The following PALM2AKAP2 variants were observed in gnomAD, a reference collection of about 807,000 sequenced individuals.
PALM2AKAP2 encodes the protein PALM2-AKAP2 fusion protein.
In PALM2AKAP2, 37 loss-of-function variants were observed where a neutral mutation model predicts 71.5. That is an observed-to-expected ratio of 0.52 (90% CI 0.40 to 0.68). PALM2AKAP2 has a LOEUF of 0.68. PALM2AKAP2 is among the 30% of genes least tolerant of loss of function. The pLI, the probability that PALM2AKAP2 is intolerant of heterozygous loss-of-function variation, is 0.00. For synonymous variants in PALM2AKAP2, 468 were observed against 478.8 expected (o/e 0.98, Z 0.29); for missense variants, 1,224 against 1,191.8 (o/e 1.03, Z -0.40).
chr9:109,685,251 A>G (rs942958416), intron 1 of PALM2AKAP2, among the ~76,000 whole-genome samples: 3 of 152,136 alleles, frequency 2.0e-5, no homozygotes, highest in African/African-American at 7.2e-5. Flanking sequence ...ATGTTTATAC[A>G]CATACCGTGT....
intron 6 of PALM2AKAP2, among the ~76,000 whole-genome samples, chr9:110,004,651 TC>T (rs1280914593): frequency 6.6e-6 from 1 of 152,248 alleles, no homozygotes; most frequent in Non-Finnish European, 1.5e-5. Flanking sequence ...ATTCTCCCTG[TC>T]ACTTTCAGGT....
intron 1 of PALM2AKAP2, among the ~76,000 whole-genome samples, chr9:109,710,900 G>C (rs1287706708): frequency 6.6e-6 from 1 of 152,106 alleles, no homozygotes; most frequent in Non-Finnish European, 1.5e-5. Context: ...AAAGAGCAGG[G>C]AAAAAGCAGG....
intron 3 of PALM2AKAP2, among the ~76,000 whole-genome samples, chr9:109,880,960 G>A (rs1384579194): frequency 6.6e-6 from 1 of 152,120 alleles, no homozygotes; most frequent in Non-Finnish European, 1.5e-5. Flanking sequence ...GTGGGGATTT[G>A]TTGAACAGAT....
At chr9:110,073,236 C>T (rs969476644) in intron 1 of PALM2AKAP2, among the ~76,000 whole-genome samples, 1 of 152,130 alleles carries the variant, frequency 6.6e-6, no homozygotes, top group African/African-American at 2.4e-5. Flanking sequence ...AGCAAGAATG[C>T]GTCATTGCTG....
chr9:110,043,225 A>G (rs918864442), intron 7 of PALM2AKAP2, among the ~76,000 whole-genome samples: 9 of 152,212 alleles, frequency 5.9e-5, no homozygotes, highest in Non-Finnish European at 1.2e-4. Flanking sequence ...AAATGCTGTT[A>G]TCAGAAGTAT....
intron 3 of PALM2AKAP2, among the ~76,000 whole-genome samples, chr9:109,917,637 T>A (rs1434221058): frequency 6.6e-6 from 1 of 151,996 alleles, no homozygotes; most frequent in Admixed American, 6.6e-5. Flanking sequence ...TAAGGGTATA[T>A]GTCACCATGC....
Position 110,138,361 on chromosome 9 carries a change from T to G in PALM2AKAP2, c.2391T>G (p.Pro797=), listed in dbSNP as rs779670894. 6 of 1,614,200 alleles carry G rather than the reference T, an allele frequency of 3.7e-6. No individual in the cohort carries two copies. In the Admixed American group the frequency reaches 1.0e-4, roughly 27 times the overall value. Residue 797 remains proline, a synonymous_variant, in exon 2 of 4, where the codon CCT becomes CCG. Transcript: ENST00000374525. ...AAGAATCTGACGTGATGGTTGGGCC[T>G]TTCAAGCTGAGGTCCAGGAAACAGC... is the stretch of plus-strand genomic sequence containing the variant.
At position 109,750,418 on chromosome 9, in the gene PALM2AKAP2, T is replaced by C. The variant is rs568271109; in HGVS notation, c.6-30070T>C. Among the ~76,000 whole-genome samples, 11 of 152,218 alleles carry C rather than the reference T, an allele frequency of 7.2e-5. No homozygotes were observed. In the East Asian group the frequency reaches 1.9e-3, roughly 27 times the overall value. On this transcript the variant is annotated intron_variant, in intron 1 of 6. Transcript: ENST00000374531. ...TTCATATAATTCTGCAAAAGTAATATAATGTAAAGGAAAAAGAGGAAAAAA... is the reference window on the plus strand; with the variant it reads ...TTCATATAATTCTGCAAAAGTAATACAATGTAAAGGAAAAAGAGGAAAAAA...
intron 1 of PALM2AKAP2, among the ~76,000 whole-genome samples, chr9:109,829,893 GACAA>G (rs1828253115): frequency 6.6e-6 from 1 of 152,034 alleles, no homozygotes; most frequent in Non-Finnish European, 1.5e-5. Context: ...CAGTTAGGAA[GACAA>G]ACAAAAAACA....
Position 110,066,423 on chromosome 9 carries a change from G to A in PALM2AKAP2, c.156+17568G>A, listed in dbSNP as rs115612396. On this transcript the variant is annotated intron_variant, in intron 1 of 3. Transcript: ENST00000374525. The stretch of plus-strand genomic sequence containing the variant: ...GAGTAAATGTAAGTAAAAGATGGGC[G>A]TGGTGATTCATGCCTGTAATCCCAG... Among the ~76,000 whole-genome samples, 466 of 152,296 alleles carry A rather than the reference G, an allele frequency of 3.1e-3. 6 individuals are homozygous for A. The highest frequency in any genetic ancestry group is 0.011 in the African/African-American group (452 of 41,560).
Position 110,053,645 on chromosome 9 carries a change from G to A in PALM2AKAP2, c.156+4790G>A, listed in dbSNP as rs142509731. On this transcript the variant is annotated intron_variant, in intron 1 of 3. Coordinates refer to ENST00000374525, the Ensembl canonical transcript of PALM2AKAP2. ...AGTTTCAGAGTGCCCCGCATAGGCC[G>A]TGCAACTGGAGAAGGTGCCCTGTGG... 6.4e-3 allele frequency among the ~76,000 whole-genome samples: 981 copies of A among 152,244 alleles called. 12 individuals carry two copies. The highest frequency in any genetic ancestry group is 0.046 in the South Asian group (224 of 4,818).
At chr9:109,862,663 C>T (rs1829343910) in intron 1 of PALM2AKAP2, among the ~76,000 whole-genome samples, 1 of 152,170 alleles carries the variant, frequency 6.6e-6, no homozygotes, top group South Asian at 2.1e-4. Flanking sequence ...CAGGAATGAG[C>T]TAACCATGAC....
chr9:109,825,959 C>A (rs1828137583), intron 1 of PALM2AKAP2, among the ~76,000 whole-genome samples: 1 of 152,104 alleles, frequency 6.6e-6, no homozygotes, highest in Non-Finnish European at 1.5e-5. Flanking sequence ...GACTTGGAAC[C>A]AACCCAAATG....
intron 6 of PALM2AKAP2, among the ~76,000 whole-genome samples, chr9:109,985,892 C>G (rs1832368268): frequency 6.6e-6 from 1 of 152,016 alleles, no homozygotes. Flanking sequence ...TCAAATGATC[C>G]CCCCACCTTG....
intron 1 of PALM2AKAP2, among the ~76,000 whole-genome samples, chr9:109,835,520 C>G (rs987422755): frequency 6.6e-6 from 1 of 152,056 alleles, no homozygotes; most frequent in African/African-American, 2.4e-5. Flanking sequence ...TGGGGCTTGT[C>G]GGACAGTGGG....
chr9:109,722,017 A>G (rs1052668559), intron 1 of PALM2AKAP2, among the ~76,000 whole-genome samples: 1 of 152,350 alleles, frequency 6.6e-6, no homozygotes, highest in East Asian at 1.9e-4. Flanking sequence ...CCTAGTGATG[A>G]GTGCTTTCAG....
rs78806026 is a variant in PALM2AKAP2, at chr9:109,684,999, A to G, written c.5+44133A>G. On this transcript the variant is annotated intron_variant, in intron 1 of 6. Coordinates refer to the PALM2AKAP2 transcript ENST00000374531. Reference sequence around the variant, plus strand: ...TAAATAAATTACTGATACACACAAAACATGAATGAATCTTAAAGGATTATA... The same window carrying G: ...TAAATAAATTACTGATACACACAAAGCATGAATGAATCTTAAAGGATTATA... Among the ~76,000 whole-genome samples the G allele has an allele frequency of 3.6e-3, 553 of 152,308 alleles. 2 individuals carry two copies. The highest frequency in any genetic ancestry group is 6.3e-3 in the Non-Finnish European group (430 of 68,006).
At chr9:109,827,903 A>G (rs1828197312) in intron 1 of PALM2AKAP2, among the ~76,000 whole-genome samples, 1 of 152,262 alleles carries the variant, frequency 6.6e-6, no homozygotes, top group Admixed American at 6.5e-5. Context: ...TTCAAAGATT[A>G]TAAGCTATTC....
At chr9:109,990,415 C>T (rs1832456601) in intron 6 of PALM2AKAP2, among the ~76,000 whole-genome samples, 1 of 152,130 alleles carries the variant, frequency 6.6e-6, no homozygotes, top group Non-Finnish European at 1.5e-5. Flanking sequence ...ATGCAACAGG[C>T]TGCACTTCAG....
Sources: gnomAD v4.1 joint callset for allele counts (sites outside exome capture counted in the v4.1 genomes callset) on GRCh38, gnomAD v4.1.1 for gene constraint, MANE v1.5 for transcripts, NCBI Gene and HGNC (gene_info 2026-07-23, HGNC 2026-07-21) for gene names.